Variants in CDKAL1 observed in about 807,000 individuals in gnomAD.
CDKAL1 encodes the protein CDKAL1 threonylcarbamoyladenosine tRNA methylthiotransferase, also known as threonylcarbamoyladenosine tRNA methylthiotransferase.
In CDKAL1, 32 loss-of-function variants were observed where a neutral mutation model predicts 68.2. The ratio of observed to expected loss-of-function variants is 0.47; its 90% CI spans 0.35 to 0.63. The LOEUF (loss-of-function observed/expected upper bound fraction) is 0.63, where lower values mean the gene tolerates loss of function less well. Among genes scored for constraint, CDKAL1 ranks in the 30% least tolerant of loss-of-function variants. CDKAL1 has a pLI of 0.00. For missense variants in CDKAL1, 606 were observed against 696.7 expected (o/e 0.87, Z 1.47); for synonymous variants, 234 against 244.3 (o/e 0.96, Z 0.39).
intron 12 of CDKAL1, among the ~76,000 whole-genome samples, chr6:21,091,483 A>G (rs897166883): frequency 1.3e-5 from 2 of 152,208 alleles, no homozygotes; most frequent in Non-Finnish European, 2.9e-5. Flanking sequence ...GTTTAAAACT[A>G]CTTAAGAAGC....
In CDKAL1 at chr6:20,848,280, T is replaced by TTTTTTTGGTTTTG. The variant is rs778316837; in HGVS notation, c.742+2108_742+2109insGGTTTTGTTTTTT. Among the ~76,000 whole-genome samples, 15 of 62,012 alleles carry TTTTTTTGGTTTTG rather than the reference T, an allele frequency of 2.4e-4. No homozygotes were observed. The South Asian group carries it at 0.011, about 44-fold the overall frequency. 40.7% of individuals were successfully genotyped at this position (62,012 alleles called of 152,430 possible). A position where few individuals can be genotyped will look rare whatever the true frequency, so the allele number is the denominator to read the frequency against. On this transcript the variant is annotated intron_variant, in intron 9 of 15. Transcript: ENST00000274695. ...CCTTTTGTTACTTGCTGGAAAGTTGTTTTTTTTTTTTTTCCAATTTAGTTC... is the reference window on the plus strand; with the variant it reads ...CCTTTTGTTACTTGCTGGAAAGTTGTTTTTTTGGTTTTGTTTTTTTTTTTTTCCAATTTAGTTC...
At chr6:20,760,295 A>G (rs1445734842) in intron 7 of CDKAL1, among the ~76,000 whole-genome samples, 1 of 152,118 alleles carries the variant, frequency 6.6e-6, no homozygotes, top group Non-Finnish European at 1.5e-5. Context: ...TCTTCTTTTG[A>G]TGTTCCAAAA....
chr6:20,619,395 A>T (rs1400471367), intron 4 of CDKAL1, among the ~76,000 whole-genome samples: 1 of 152,212 alleles, frequency 6.6e-6, no homozygotes, highest in East Asian at 1.9e-4. Flanking sequence ...TCACAAAAAT[A>T]ACTATGTGAG....
chr6:20,768,758 GT>G (rs986740338), intron 7 of CDKAL1, among the ~76,000 whole-genome samples: 1 of 152,110 alleles, frequency 6.6e-6, no homozygotes, highest in African/African-American at 2.4e-5. Context: ...GAGAGAGGTA[GT>G]TTTAGTCTTG....
chr6:21,095,949 C>CT (rs1409111722), intron 12 of CDKAL1, among the ~76,000 whole-genome samples: 1 of 152,056 alleles, frequency 6.6e-6, no homozygotes, highest in Non-Finnish European at 1.5e-5. Context: ...ATTTTAGACT[C>CT]TTATTATTGG....
chr6:20,978,507 C>T lies in CDKAL1; in HGVS notation c.910-21720C>T, dbSNP rs780185614. On this transcript the variant is annotated intron_variant, in intron 10 of 15. Transcript: ENST00000274695. ...AGAAATATATAATTATGACTAATAA[C>T]GCAAAATACTATGTGAAAAATATAA... Among the ~76,000 whole-genome samples, 45 of 152,198 alleles carry T rather than the reference C, an allele frequency of 3.0e-4. 2 individuals carry two copies. The Middle Eastern group carries it at 0.034, about 115-fold the overall frequency.
intron 11 of CDKAL1, among the ~76,000 whole-genome samples, chr6:21,050,421 G>T (rs1437887643): frequency 6.6e-6 from 1 of 152,208 alleles, no homozygotes; most frequent in Non-Finnish European, 1.5e-5. Flanking sequence ...CTGCGCCCAA[G>T]AAGGAGGATA....
intron 11 of CDKAL1, among the ~76,000 whole-genome samples, chr6:21,031,595 C>A (rs535198846): frequency 2.6e-5 from 4 of 151,822 alleles, no homozygotes; most frequent in Non-Finnish European, 5.9e-5. Flanking sequence ...GCTCTGAGGG[C>A]CAGGCCTGGC....
chr6:20,888,468 C>A (rs1351046704), intron 9 of CDKAL1, among the ~76,000 whole-genome samples: 4 of 149,232 alleles, frequency 2.7e-5, no homozygotes, highest in Non-Finnish European at 4.4e-5. Flanking sequence ...GTACTGAACC[C>A]ATTAACTCGT....
intron 9 of CDKAL1, among the ~76,000 whole-genome samples, chr6:20,875,679 GA>G (rs142990325): frequency 2.6e-5 from 4 of 151,336 alleles, no homozygotes; most frequent in East Asian, 1.9e-4. Flanking sequence ...CTTCACTAAT[GA>G]AAAAAAATAG....
chr6:21,107,161 A>G (rs34865903), intron 12 of CDKAL1, among the ~76,000 whole-genome samples: 22,174 of 151,868 alleles, frequency 0.15, 2,029 homozygotes, highest in East Asian at 0.25. Flanking sequence ...GTTAGCCAGG[A>G]TGGTCTCGAT....
chr6:21,149,919 G>C (rs12207912), intron 13 of CDKAL1, among the ~76,000 whole-genome samples: 1 of 151,970 alleles, frequency 6.6e-6, no homozygotes, highest in African/African-American at 2.4e-5. Context: ...GTGCAGTGGC[G>C]CTGTCTCGGC....
At chr6:20,705,500 T>C (rs546088132) in intron 5 of CDKAL1, among the ~76,000 whole-genome samples, 35 of 152,274 alleles carry the variant, frequency 2.3e-4, no homozygotes, top group African/African-American at 8.2e-4. Context: ...CACTCAGCAG[T>C]TAGTAATAAT....
intron 15 of CDKAL1, among the ~76,000 whole-genome samples, chr6:21,206,854 G>C (rs1680577530): frequency 6.6e-6 from 1 of 152,052 alleles, no homozygotes; most frequent in Non-Finnish European, 1.5e-5. Flanking sequence ...ATATTTTAAA[G>C]AAAGAATTCA....
rs145477552 is a variant in CDKAL1, at chr6:21,152,524, C to T, written c.1299+44061C>T. On this transcript the variant is annotated intron_variant, in intron 13 of 15. Coordinates refer to ENST00000274695, the MANE Select transcript of CDKAL1 (RefSeq NM_017774.3). ...ATGACCCCCACAAACATTCACTCAGCGAACATTCGTCCAGTCAAATTCAGG... is the reference window on the plus strand; with the variant it reads ...ATGACCCCCACAAACATTCACTCAGTGAACATTCGTCCAGTCAAATTCAGG... Among the ~76,000 whole-genome samples the T allele has an allele frequency of 5.3e-3, 806 of 152,338 alleles. 6 individuals carry two copies. Among genetic ancestry groups the T allele is most frequent in the Middle Eastern group, 0.024 (7 of 294 alleles).
intron 6 of CDKAL1, among the ~76,000 whole-genome samples, chr6:20,742,783 G>A (rs1429991805): frequency 1.3e-5 from 2 of 151,768 alleles, no homozygotes; most frequent in South Asian, 4.2e-4. Context: ...ATGTTTACCA[G>A]CATTACATAT....
At chr6:21,069,098 C>A (rs564839674) in intron 12 of CDKAL1, among the ~76,000 whole-genome samples, 9 of 152,178 alleles carry the variant, frequency 5.9e-5, no homozygotes, top group Non-Finnish European at 1.3e-4. Context: ...TCTTAGTATA[C>A]AGTTATGTCA....
At chr6:20,749,142 A>G (rs558470217) in intron 6 of CDKAL1, among the ~76,000 whole-genome samples, 1 of 152,198 alleles carries the variant, frequency 6.6e-6, no homozygotes, top group Non-Finnish European at 1.5e-5. Flanking sequence ...AAATATGGAC[A>G]AAGAGCACTG....
At chr6:21,102,353 C>T (rs1773621120) in intron 12 of CDKAL1, among the ~76,000 whole-genome samples, 1 of 152,130 alleles carries the variant, frequency 6.6e-6, no homozygotes. Context: ...TTTTGGAACC[C>T]ACCCCCGCAG....
Sources: allele counts gnomAD v4.1 joint callset (sites outside exome capture counted in the v4.1 genomes callset), GRCh38; gene constraint gnomAD v4.1.1; transcripts MANE v1.5; gene names NCBI Gene and HGNC (gene_info 2026-07-23, HGNC 2026-07-21).